The following PPIL2 variants were observed in gnomAD, a reference collection of about 807,000 sequenced individuals.
The protein encoded by PPIL2 is RING-type E3 ubiquitin-protein ligase PPIL2.
PPIL2 carries 50 observed loss-of-function variants against 75.2 expected under a neutral mutation model. That is an observed-to-expected ratio of 0.66 (90% CI 0.53 to 0.84). The LOEUF (loss-of-function observed/expected upper bound fraction) is 0.84. Among genes scored for constraint, PPIL2 ranks in the 40% least tolerant of loss-of-function variants. The probability of loss-of-function intolerance (pLI) is 0.00; values close to 1 mark genes in which losing one functional copy is unlikely to be tolerated. For missense variants in PPIL2, 590 were observed against 685.0 expected, an observed-to-expected ratio of 0.86 and a Z score of 1.55; for synonymous variants, 245 against 258.8, an observed-to-expected ratio of 0.95 and a Z score of 0.51.
At position 21,686,528 on chromosome 22, in the gene PPIL2, G is replaced by A. The variant is rs1569036409; in HGVS notation, c.760G>A (p.Ala254Thr). 3 of 1,614,028 alleles carry A rather than the reference G, an allele frequency of 1.9e-6. No homozygotes were observed. The highest frequency in any genetic ancestry group is 2.2e-5 in the South Asian group (2 of 91,084). The change falls in exon 11 of 20, where the codon GCG becomes ACG. Residue 254 changes from alanine to threonine, a missense_variant. Physicochemically the swap from Ala to Thr is moderately conservative, Grantham distance 58. Transcript: ENST00000398831. ...GKVSASFTST[A>T]MVPETTHEAA... ...GGTCAGCGCTTCCTTCACCTCCACC[G>A]CGATGGTCCCGGAGACCACACATGA...
At chr22:21,679,594 C>T (rs2067017817) in intron 6 of PPIL2, among the ~76,000 whole-genome samples, 1 of 151,632 alleles carries the variant, frequency 6.6e-6, no homozygotes, top group African/African-American at 2.4e-5. Context: ...GAGCTAGACC[C>T]TGTCTCAAAA....
At chr22:21,677,031 T>G (rs2066895152) in intron 6 of PPIL2, among the ~76,000 whole-genome samples, 1 of 147,510 alleles carries the variant, frequency 6.8e-6, no homozygotes, top group Non-Finnish European at 1.5e-5. Context: ...GGGCGGGGGC[T>G]GCCCCCCACC....
Position 21,672,817 on chromosome 22 carries a change from A to G in PPIL2, c.243+436A>G, listed in dbSNP as rs187128280. 7.9e-5 allele frequency among the ~76,000 whole-genome samples: 12 copies of G among 152,102 alleles called. No individual in the cohort carries two copies. The East Asian group carries it at 2.3e-3, about 29-fold the overall frequency. On this transcript the variant is annotated intron_variant, in intron 5 of 19. Coordinates refer to ENST00000398831, the MANE Select transcript of PPIL2 (RefSeq NM_014337.4). ...GCATGTATTCCTCCACCTCTTTCCTATGGCCTGGGGCAAGAGCTCAAACTG... is the reference window on the plus strand; with the variant it reads ...GCATGTATTCCTCCACCTCTTTCCTGTGGCCTGGGGCAAGAGCTCAAACTG...
chr22:21,667,328 G>A (rs977594835), intron 1 of PPIL2, among the ~76,000 whole-genome samples: 2 of 151,774 alleles, frequency 1.3e-5, no homozygotes, highest in Admixed American at 1.3e-4. Flanking sequence ...AGCTAATTTT[G>A]TATTTTTAGT....
At chr22:21,672,011 A>G (rs1046536088) in intron 4 of PPIL2, among the ~76,000 whole-genome samples, 2 of 152,158 alleles carry the variant, frequency 1.3e-5, no homozygotes. Context: ...TGACTGAAAC[A>G]CTGCACTCCA....
In PPIL2 at chr22:21,686,548, A is replaced by G. The variant is rs1569036489; in HGVS notation, c.780A>G (p.Thr260=). The change falls in exon 11 of 20, where the codon ACA becomes ACG. Residue 260 remains threonine, a synonymous_variant. Transcript: ENST00000398831. ...FTSTAMVPET[T]HEAAAIDEDV... ...CCACCGCGATGGTCCCGGAGACCAC[A>G]CATGAAGCAGGTAGCCACCTTGGCC... 4.3e-6 allele frequency: 7 copies of G among 1,614,130 alleles called. No homozygotes were observed. The highest frequency in any genetic ancestry group is 5.9e-6 in the Non-Finnish European group (7 of 1,179,980).
intron 13 of PPIL2, 141 bp from the exon 14 acceptor site, chr22:21,687,932 G>A: frequency 8.4e-7 from 1 of 1,192,452 alleles, no homozygotes; most frequent in Non-Finnish European, 1.2e-6. Flanking sequence ...ACAAAGGGAG[G>A]TGGCTGGGAG....
intron 10 of PPIL2, among the ~76,000 whole-genome samples, chr22:21,686,021 G>A (rs1363578184): frequency 1.3e-5 from 2 of 152,006 alleles, no homozygotes; most frequent in Non-Finnish European, 2.9e-5. Context: ...AATCAGCCAG[G>A]CGTGGTGGCA....
chr22:21,679,580 G>A (rs2067016922), intron 6 of PPIL2, among the ~76,000 whole-genome samples: 1 of 151,758 alleles, frequency 6.6e-6, no homozygotes, highest in Non-Finnish European at 1.5e-5. Flanking sequence ...CAGCCTGGGT[G>A]ATAGAGCTAG....
intron 1 of PPIL2, 25 bp downstream of exon 1, chr22:21,666,156 G>C (rs1389224632): frequency 1.2e-6 from 2 of 1,605,278 alleles, no homozygotes; most frequent in Non-Finnish European, 1.7e-6. Flanking sequence ...AGTCGGGAGC[G>C]GCGCTCCACT....
intron 15 of PPIL2, among the ~76,000 whole-genome samples, chr22:21,689,091 C>T (rs1456488356): frequency 6.6e-6 from 1 of 152,224 alleles, no homozygotes; most frequent in African/African-American, 2.4e-5. Context: ...TACTGGAGGT[C>T]CAGAAGGGCT....
chr22:21,687,680 A>G lies in PPIL2; in HGVS notation c.935A>G (p.Lys312Arg), dbSNP rs532586065. The G allele has an allele frequency of 1.9e-6, 3 of 1,614,136 alleles. No homozygotes were observed. Among genetic ancestry groups the G allele is most frequent in the Admixed American group, 3.3e-5 (2 of 60,030 alleles). Reference protein sequence around the residue: ...KTCENFIRLCKKHYYDGTIFH... With the variant: ...KTCENFIRLCRKHYYDGTIFH... ...TGCGAAAACTTCATCAGGCTTTGCA[A>G]GAAGCATTATTACGATGGCACCATC... The change falls in exon 13 of 20, where the codon AAG becomes AGG. Residue 312 changes from lysine (K) to arginine (R), a missense_variant. Lys to Arg is a conservative substitution (Grantham distance 26, BLOSUM62 2). Transcript: ENST00000398831.
intron 15 of PPIL2, 45 bp downstream of exon 15, chr22:21,688,894 C>T: frequency 1.3e-6 from 2 of 1,547,870 alleles, no homozygotes; most frequent in South Asian, 2.2e-5. Context: ...GGTGAGCCGG[C>T]ACTCTCTGCG....
rs564696488 is a variant in PPIL2, at chr22:21,682,535, C to T, written c.477+9C>T. 7.5e-6 allele frequency: 12 copies of T among 1,608,652 alleles called. No individual in the cohort carries two copies. The highest frequency in any genetic ancestry group is 6.0e-6 in the Non-Finnish European group (7 of 1,176,378). On this transcript the variant is annotated intron_variant, in intron 8 of 19. Transcript: ENST00000398831. ...ACATCATCACCCTCCAGGTGAGTGT[C>T]CCCTGCCTGCCTGCCCCAGCTGCCT...
rs983144532 is a variant in PPIL2 at position 21,694,460 on chromosome 22, T to C, written c.1197-133T>C. On this transcript the variant is annotated intron_variant, in intron 16 of 19. Transcript: ENST00000398831. The stretch of plus-strand genomic sequence containing the variant: ...GCCCTTGCCACTCCCTCTCATCGCC[T>C]TCCTGGCTGCTGCCCAAGGACCACC... The C allele has an allele frequency of 1.6e-5, 15 of 958,580 alleles. No individual in the cohort carries two copies. In the African/African-American group the frequency reaches 1.9e-4, roughly 12 times the overall value. 59.4% of individuals were successfully genotyped at this position (958,580 alleles called of 1,614,324 possible).
At chr22:21,690,327 T>A (rs1384674381) in intron 15 of PPIL2, among the ~76,000 whole-genome samples, 2 of 150,206 alleles carry the variant, frequency 1.3e-5, no homozygotes, top group African/African-American at 4.9e-5. Flanking sequence ...AAAGCTGCAG[T>A]GAGCTAGGAT....
intron 15 of PPIL2, among the ~76,000 whole-genome samples, chr22:21,690,181 G>A (rs182180799): frequency 3.3e-5 from 5 of 152,136 alleles, no homozygotes; most frequent in East Asian, 3.9e-4. Context: ...CCAGGAATTC[G>A]AGAGCAGCCT....
intron 6 of PPIL2, among the ~76,000 whole-genome samples, chr22:21,679,143 G>A (rs1342115952): frequency 6.6e-6 from 1 of 151,924 alleles, no homozygotes; most frequent in Admixed American, 6.6e-5. Flanking sequence ...TGATCCTCCC[G>A]CCTCTGCCTC....
intron 16 of PPIL2, among the ~76,000 whole-genome samples, chr22:21,694,381 A>G (rs1285203796): frequency 6.6e-6 from 1 of 151,568 alleles, no homozygotes; most frequent in Admixed American, 6.6e-5. Context: ...AAAAAAAAAC[A>G]AAAACAGAAA....
Sources: gnomAD v4.1 joint callset for allele counts (sites outside exome capture counted in the v4.1 genomes callset) on GRCh38, gnomAD v4.1.1 for gene constraint, MANE v1.5 for transcripts, NCBI Gene and HGNC (gene_info 2026-07-23, HGNC 2026-07-21) for gene names.